The following TMEM135 variants were observed in gnomAD, a reference collection of about 807,000 sequenced individuals.
TMEM135 encodes the protein peroxisomal membrane protein 52.
Under a neutral mutation model 60.3 loss-of-function variants are expected in TMEM135, and 30 were observed. That is an observed-to-expected ratio of 0.50 (90% confidence interval 0.37 to 0.68). The LOEUF is 0.68. Among genes scored for constraint, TMEM135 ranks in the 30% least tolerant of loss-of-function variants. The pLI, the probability that TMEM135 is intolerant of heterozygous loss-of-function variation, is 0.00. For missense variants in TMEM135, 468 were observed against 548.8 expected (o/e 0.85, Z 1.47); for synonymous variants, 190 against 186.7 (o/e 1.02, Z -0.14).
chr11:87,283,650 G>A (rs1013084143), intron 6 of TMEM135, among the ~76,000 whole-genome samples: 4 of 152,154 alleles, frequency 2.6e-5, no homozygotes, highest in African/African-American at 9.7e-5. Flanking sequence ...ATGCAGCCAG[G>A]AGTTCAAGAC....
In TMEM135 at chr11:87,193,541, G is replaced by C. The variant is rs576385638; in HGVS notation, c.462+36135G>C. Among the ~76,000 whole-genome samples, 32 of 152,056 alleles carry C rather than the reference G, an allele frequency of 2.1e-4. 2 individuals carry two copies. In the South Asian group the frequency reaches 6.6e-3, roughly 32 times the overall value. ...TTGGTAGTGAGAATTGAAAATCACT[G>C]TTTTTGGTGGGGGGATAACTGTTAA... On this transcript the variant is annotated intron_variant, in intron 5 of 14. Transcript: ENST00000305494.
chr11:87,169,649 A>T (rs1030871951), intron 5 of TMEM135, among the ~76,000 whole-genome samples: 1 of 152,140 alleles, frequency 6.6e-6, no homozygotes, highest in Non-Finnish European at 1.5e-5. Context: ...TCTTGCTTGT[A>T]GGGTTTCTGT....
intron 5 of TMEM135, among the ~76,000 whole-genome samples, chr11:87,195,296 A>C (rs1939907820): frequency 6.7e-6 from 1 of 149,908 alleles, no homozygotes; most frequent in South Asian, 2.1e-4. Context: ...TGAAAAAGTC[A>C]TTTTCTCTTT....
chr11:87,074,654 A>G (rs1856835224), intron 3 of TMEM135, among the ~76,000 whole-genome samples: 1 of 152,184 alleles, frequency 6.6e-6, no homozygotes, highest in African/African-American at 2.4e-5. Flanking sequence ...GTTTATTTGT[A>G]TGTGAATATA....
At chr11:87,282,047 G>A (rs1942069502) in intron 6 of TMEM135, among the ~76,000 whole-genome samples, 7 of 152,214 alleles carry the variant, frequency 4.6e-5, no homozygotes, top group Admixed American at 4.6e-4. Flanking sequence ...TAAAACACAA[G>A]TTGCAGAGAT....
chr11:87,272,245 G>A (rs1326921255), intron 6 of TMEM135, among the ~76,000 whole-genome samples: 1 of 151,216 alleles, frequency 6.6e-6, no homozygotes, highest in Non-Finnish European at 1.5e-5. Context: ...TAGTAGAGAC[G>A]GGGTTTCACC....
At chr11:87,176,815 A>C (rs1939381105) in intron 5 of TMEM135, among the ~76,000 whole-genome samples, 1 of 152,128 alleles carries the variant, frequency 6.6e-6, no homozygotes, top group African/African-American at 2.4e-5. Flanking sequence ...AAGATTTTAC[A>C]CATGTATACC....
intron 1 of TMEM135, among the ~76,000 whole-genome samples, chr11:87,064,122 A>T (rs907788660): frequency 2.0e-5 from 3 of 152,180 alleles, no homozygotes; most frequent in African/African-American, 7.2e-5. Flanking sequence ...TGAGAATTGT[A>T]GTTGCTCTAC....
At chr11:87,242,002 GC>G (rs1941147248) in intron 6 of TMEM135, among the ~76,000 whole-genome samples, 2 of 143,490 alleles carry the variant, frequency 1.4e-5, no homozygotes, top group South Asian at 2.2e-4. Flanking sequence ...CTCTCTCCCT[GC>G]CCCCCACCCC....
chr11:87,038,609 CTTTT>C (rs3045930), intron 1 of TMEM135, among the ~76,000 whole-genome samples: 206 of 113,906 alleles, frequency 1.8e-3, no homozygotes, highest in East Asian at 5.7e-3. Context: ...TTTTATTTTG[CTTTT>C]TTTTTTTTTT....
intron 3 of TMEM135, among the ~76,000 whole-genome samples, chr11:87,077,022 A>G (rs2124581): frequency 0.55 from 83,711 of 152,040 alleles, 23,888 homozygotes; most frequent in East Asian, 0.71. Flanking sequence ...ATTTGTGTAC[A>G]TGTCTATGCA....
At chr11:87,171,939 A>G (rs495238) in intron 5 of TMEM135, among the ~76,000 whole-genome samples, 55,955 of 151,990 alleles carry the variant, frequency 0.37, 10,844 homozygotes, top group East Asian at 0.67. Context: ...ACAGGAGGCC[A>G]AGCTCAGGCA....
chr11:87,060,082 C>T (rs1208313205), intron 1 of TMEM135, among the ~76,000 whole-genome samples: 1 of 152,052 alleles, frequency 6.6e-6, no homozygotes, highest in African/African-American at 2.4e-5. Flanking sequence ...CACTGCACTC[C>T]AGCCTTGGCA....
chr11:87,125,222 A>G, intron 4 of TMEM135, among the ~76,000 whole-genome samples: 1 of 152,230 alleles, frequency 6.6e-6, no homozygotes, highest in East Asian at 1.9e-4. Context: ...CAGGGCACAG[A>G]TAGCCAATGC....
chr11:87,083,932 C>T (rs1857043365), intron 3 of TMEM135, among the ~76,000 whole-genome samples: 1 of 151,842 alleles, frequency 6.6e-6, no homozygotes, highest in African/African-American at 2.4e-5. Flanking sequence ...CTAATATCTC[C>T]TTATTTATAG....
chr11:87,041,346 A>G (rs2512376), intron 1 of TMEM135, among the ~76,000 whole-genome samples: 72,424 of 151,264 alleles, frequency 0.48, 18,677 homozygotes, highest in African/African-American at 0.66. Flanking sequence ...TTCTGTGTGC[A>G]TGCTATTGAG....
At chr11:87,289,620 C>T (rs892742513) in intron 6 of TMEM135, among the ~76,000 whole-genome samples, 3 of 151,842 alleles carry the variant, frequency 2.0e-5, no homozygotes, top group Admixed American at 6.6e-5. Context: ...CCATGCCTGG[C>T]TAATTTTTTT....
chr11:87,196,095 A>G lies in TMEM135; in HGVS notation c.462+38689A>G, dbSNP rs556786365. On this transcript the variant is annotated intron_variant, in intron 5 of 14. Coordinates refer to ENST00000305494, the MANE Select transcript of TMEM135 (RefSeq NM_022918.4). Reference sequence around the variant, plus strand: ...TGATACCATTTTGTTTGCTGGAATTATTACCCAAGAAAACAAACCAGTTTT... The same window carrying G: ...TGATACCATTTTGTTTGCTGGAATTGTTACCCAAGAAAACAAACCAGTTTT... Among the ~76,000 whole-genome samples the G allele has an allele frequency of 2.0e-5, 3 of 152,246 alleles. No individual in the cohort carries two copies. In the South Asian group the frequency reaches 6.2e-4, roughly 32 times the overall value.
chr11:87,198,433 A>T (rs1940009460), intron 5 of TMEM135, among the ~76,000 whole-genome samples: 2 of 152,124 alleles, frequency 1.3e-5, no homozygotes, highest in African/African-American at 2.4e-5. Flanking sequence ...CAAAAAAGTT[A>T]ATAAGGGTAC....
Sources: gnomAD v4.1 joint callset for allele counts (sites outside exome capture counted in the v4.1 genomes callset) on GRCh38, gnomAD v4.1.1 for gene constraint, MANE v1.5 for transcripts, NCBI Gene and HGNC (gene_info 2026-07-23, HGNC 2026-07-21) for gene names.